RAB7A: variants seen among roughly 807,000 people sequenced by gnomAD.
The protein encoded by RAB7A is ras-related protein Rab-7a.
RAB7A carries 2 observed loss-of-function variants against 24.5 expected under a neutral mutation model. The observed-to-expected ratio is 0.08, with a 90% CI of 0.03 to 0.26. The LOEUF is 0.26. RAB7A is among the 10% of genes least tolerant of loss of function. RAB7A has a pLI of 1.00. For synonymous variants in RAB7A, 100 were observed against 95.9 expected, an observed-to-expected ratio of 1.04 and a Z score of -0.25; for missense variants, 118 against 255.7, an observed-to-expected ratio of 0.46 and a Z score of 3.67.
chr3:128,795,750 G>GTTTTTTTTTTTTTTTTTTTTT (rs1491091651), intron 2 of RAB7A, among the ~76,000 whole-genome samples: 10 of 6,874 alleles, frequency 1.5e-3, no homozygotes, highest in Non-Finnish European at 3.3e-3. Flanking sequence ...TAGCAGATGT[G>GTTTTTTTTTTTTTTTTTTTTT]CTTTTTTTTT....
intron 1 of RAB7A, among the ~76,000 whole-genome samples, chr3:128,789,009 G>A (rs184527532): frequency 3.9e-5 from 6 of 152,286 alleles, no homozygotes; most frequent in East Asian, 3.9e-4. Context: ...TTGTTTCATC[G>A]TTCAAATACT....
chr3:128,778,001 A>G (rs1009676184), intron 1 of RAB7A, among the ~76,000 whole-genome samples: 7 of 152,202 alleles, frequency 4.6e-5, no homozygotes, highest in African/African-American at 1.4e-4. Flanking sequence ...GGCATGAACC[A>G]CCGCGCCTGG....
rs375775064 is a variant in RAB7A, at chr3:128,797,917, T to C, written c.54-26T>C. 11 of 1,611,578 alleles carry C rather than the reference T, an allele frequency of 6.8e-6. No homozygotes were observed. The African/African-American group carries it at 9.3e-5, about 14-fold the overall frequency. ...TTTCAGGACCCTCCTATTTGACTTATACTTATGGTTTTTCTCCAATTTCAG... is the reference window on the plus strand; with the variant it reads ...TTTCAGGACCCTCCTATTTGACTTACACTTATGGTTTTTCTCCAATTTCAG... On this transcript the variant is annotated intron_variant, in intron 2 of 5. Coordinates refer to ENST00000265062, the MANE Select transcript of RAB7A (RefSeq NM_004637.6).
chr3:128,800,187 G>GA (rs1013006189), intron 3 of RAB7A, among the ~76,000 whole-genome samples: 4 of 151,712 alleles, frequency 2.6e-5, no homozygotes, highest in South Asian at 2.1e-4. Flanking sequence ...AGCAACTATA[G>GA]AAAAAAAAGA....
intron 3 of RAB7A, among the ~76,000 whole-genome samples, chr3:128,799,842 C>T (rs1413657455): frequency 6.6e-6 from 1 of 152,114 alleles, no homozygotes; most frequent in Non-Finnish European, 1.5e-5. Context: ...CTGGCAAAAA[C>T]AAGGGTAAGA....
intron 1 of RAB7A, chr3:128,765,132 G>C: frequency 1.4e-6 from 1 of 711,882 alleles, no homozygotes; most frequent in Non-Finnish European, 2.5e-6. Context: ...GCTACGGGCG[G>C]CCGGCCGGGG....
At chr3:128,758,062 A>G (rs967471690) in intron 1 of RAB7A, among the ~76,000 whole-genome samples, 2 of 152,050 alleles carry the variant, frequency 1.3e-5, no homozygotes, top group Non-Finnish European at 2.9e-5. Context: ...TTCTGGGCTC[A>G]AGCAGTCTTC....
chr3:128,782,926 G>A (rs985683478), intron 1 of RAB7A, among the ~76,000 whole-genome samples: 2 of 152,128 alleles, frequency 1.3e-5, no homozygotes, highest in Non-Finnish European at 2.9e-5. Context: ...GTCATAATGG[G>A]CAAGAGGTTC....
At chr3:128,730,894 G>C (rs1366618093) in intron 1 of RAB7A, among the ~76,000 whole-genome samples, 1 of 152,142 alleles carries the variant, frequency 6.6e-6, no homozygotes, top group Non-Finnish European at 1.5e-5. Flanking sequence ...TGGTGTCCTG[G>C]GACTGTCTAC....
intron 1 of RAB7A, among the ~76,000 whole-genome samples, chr3:128,745,707 G>C (rs1412340210): frequency 6.6e-6 from 1 of 152,264 alleles, no homozygotes; most frequent in Non-Finnish European, 1.5e-5. Context: ...GAGCAGGGAA[G>C]GGGAGAAGTG....
At chr3:128,770,964 G>A (rs909518271) in intron 1 of RAB7A, among the ~76,000 whole-genome samples, 1 of 151,344 alleles carries the variant, frequency 6.6e-6, no homozygotes, top group Non-Finnish European at 1.5e-5. Context: ...TTAAGAAAGG[G>A]AATGTGACTT....
At chr3:128,784,391 A>G (rs145574967) in intron 1 of RAB7A, among the ~76,000 whole-genome samples, 58 of 151,892 alleles carry the variant, frequency 3.8e-4, no homozygotes, top group African/African-American at 1.4e-3. Context: ...CTTTCTCCCC[A>G]TTCTCTTCTG....
chr3:128,791,863 G>A (rs577648597), intron 1 of RAB7A, among the ~76,000 whole-genome samples: 257 of 152,258 alleles, frequency 1.7e-3, no homozygotes, highest in South Asian at 3.9e-3. Context: ...AACTGCTGCT[G>A]CTGATGACCT....
chr3:128,779,736 C>G lies in RAB7A; in HGVS notation c.-8-15624C>G, dbSNP rs1055025638. 5.3e-5 allele frequency among the ~76,000 whole-genome samples: 8 copies of G among 152,172 alleles called. No homozygotes were observed. In the East Asian group the frequency reaches 1.6e-3, roughly 30 times the overall value. ...CCTCCTGAGTAGCTGGGAGTAGGCA[C>G]GATACCATGCTTGGCTAATTTCTTA... On this transcript the variant is annotated intron_variant, in intron 1 of 5. Transcript: ENST00000265062.
In RAB7A at chr3:128,813,660, T is replaced by A. The variant is rs2047250864; in HGVS notation, c.*238T>A. ...AACTCCAGCCCTTGCCCGTGATGGC[T>A]CCTTGGGGTCTGCCTGCCCACCCAC... On this transcript the variant is annotated 3_prime_UTR_variant, in exon 6 of 6. Coordinates refer to ENST00000265062, the MANE Select transcript of RAB7A (RefSeq NM_004637.6). The A allele has an allele frequency of 1.8e-6, 1 of 551,392 alleles. No homozygotes were observed. Among genetic ancestry groups the A allele is most frequent in the Admixed American group, 2.7e-5 (1 of 37,710 alleles). 34.2% of individuals were successfully genotyped at this position (551,392 alleles called of 1,614,324 possible).
intron 1 of RAB7A, among the ~76,000 whole-genome samples, chr3:128,757,934 C>A (rs2070743308): frequency 6.6e-6 from 1 of 152,048 alleles, no homozygotes; most frequent in Admixed American, 6.6e-5. Context: ...GCTGGAGTTA[C>A]ACTTGTGAGC....
chr3:128,734,147 C>T (rs992399739), intron 1 of RAB7A, among the ~76,000 whole-genome samples: 1 of 151,976 alleles, frequency 6.6e-6, no homozygotes, highest in African/African-American at 2.4e-5. Flanking sequence ...AGCAGAGGTT[C>T]GGCCAGGCAC....
chr3:128,766,690 T>C (rs954405110), intron 1 of RAB7A, among the ~76,000 whole-genome samples: 1 of 152,108 alleles, frequency 6.6e-6, no homozygotes, highest in African/African-American at 2.4e-5. Flanking sequence ...AATGGTCATG[T>C]GTGTGTGTTT....
At chr3:128,779,672 G>C (rs549907440) in intron 1 of RAB7A, among the ~76,000 whole-genome samples, 1 of 152,232 alleles carries the variant, frequency 6.6e-6, no homozygotes, top group South Asian at 2.1e-4. Flanking sequence ...GTTCACTGCA[G>C]CCTTGAACTC....
Sources: allele counts gnomAD v4.1 joint callset (sites outside exome capture counted in the v4.1 genomes callset), GRCh38; gene constraint gnomAD v4.1.1; transcripts MANE v1.5; gene names NCBI Gene and HGNC (gene_info 2026-07-23, HGNC 2026-07-21).